KCNQ1: variants seen among roughly 807,000 people sequenced by gnomAD.
The protein encoded by KCNQ1 is potassium voltage-gated channel subfamily KQT member 1.
Under a neutral mutation model 72.4 loss-of-function variants are expected in KCNQ1, and 49 were observed. That is an observed-to-expected ratio of 0.68 (90% CI 0.54 to 0.86). KCNQ1 has a LOEUF of 0.86. Ranked by LOEUF, KCNQ1 falls within the 40% of genes least tolerant of loss-of-function variation. KCNQ1 has a pLI of 0.00. For missense variants in KCNQ1, 790 were observed against 945.1 expected, an observed-to-expected ratio of 0.84 and a Z score of 2.15; for synonymous variants, 450 against 412.6, an observed-to-expected ratio of 1.09 and a Z score of -1.10.
At chr11:2,665,694 A>G in intron 11 of KCNQ1, 1 of 397,858 alleles carries the variant, frequency 2.5e-6, no homozygotes, top group Non-Finnish European at 4.4e-6. Context: ...CAGGAGGGAG[A>G]AGGGCATGTA....
At chr11:2,640,182 C>A (rs1015422531) in intron 10 of KCNQ1, 1 of 387,306 alleles carries the variant, frequency 2.6e-6, no homozygotes, top group Non-Finnish European at 4.6e-6. Flanking sequence ...CGCCCTACTT[C>A]GTCTCACACT....
At position 2,652,346 on chromosome 11, in the gene KCNQ1, C is replaced by T. The variant is rs908764250; in HGVS notation, c.1394-9615C>T. Reference sequence around the variant, plus strand: ...GAAGTTAAGAACTGGCACATTTCCGCGATGTTGTGATGAAGGTGAAAAGAT... The same window carrying T: ...GAAGTTAAGAACTGGCACATTTCCGTGATGTTGTGATGAAGGTGAAAAGAT... On this transcript the variant is annotated intron_variant, in intron 10 of 15. Transcript: ENST00000155840. The surrounding 1 kb of genome is among the most constrained non-coding windows in gnomAD (Gnocchi z 5.9). 2.8e-5 allele frequency: 11 copies of T among 398,482 alleles called. No homozygotes were observed. The highest frequency in any genetic ancestry group is 1.3e-4 in the South Asian group (1 of 7,852). The allele number at this position is 398,482 out of a possible 1,614,324, so 24.7% of individuals were successfully genotyped here.
intron 15 of KCNQ1, among the ~76,000 whole-genome samples, chr11:2,791,936 G>A (rs780563843): frequency 6.6e-6 from 1 of 152,338 alleles, no homozygotes; most frequent in African/African-American, 2.4e-5. Flanking sequence ...TTACTTTGCC[G>A]CGCGAACAGC....
In KCNQ1 at chr11:2,670,338, C is replaced by T. The variant is rs1462270677; in HGVS notation, c.1514+8257C>T. ...CTCAAATATGGTAGCAGAGTTCAGA[C>T]TCAGTGGCTTTCAGATGGTTAGTAT... is the stretch of plus-strand genomic sequence containing the variant. On this transcript the variant is annotated intron_variant, in intron 11 of 15. Transcript: ENST00000155840. The surrounding 1 kb of genome is among the most constrained non-coding windows in gnomAD (Gnocchi z 4.9). 2.5e-6 allele frequency: 1 copy of T among 398,464 alleles called. No homozygotes were observed. The highest frequency in any genetic ancestry group is 4.4e-6 in the Non-Finnish European group (1 of 226,076). The allele number at this position is 398,464 out of a possible 1,614,324, so 24.7% of individuals were successfully genotyped here.
At chr11:2,453,729 A>G (rs1846146519) in intron 1 of KCNQ1, among the ~76,000 whole-genome samples, 1 of 152,176 alleles carries the variant, frequency 6.6e-6, no homozygotes, top group Non-Finnish European at 1.5e-5. Flanking sequence ...CTGACCTGTG[A>G]CCCAGCAACC....
In KCNQ1 at chr11:2,661,219, C is replaced by G; in HGVS notation, c.1394-742C>G. On this transcript the variant is annotated intron_variant, in intron 10 of 15. Transcript: ENST00000155840. This position sits in a 1 kb window ranked among gnomAD's most constrained non-coding sequence, Gnocchi z 5.9. ...TGAATCTTTGAATTATTCCACTTCT[C>G]ACAGATGAGTACTTAATCCTTTTGC... 2.5e-6 allele frequency: 1 copy of G among 398,696 alleles called. No homozygotes were observed. Among genetic ancestry groups the G allele is most frequent in the Non-Finnish European group, 4.4e-6 (1 of 226,184 alleles). 24.7% of individuals were successfully genotyped at this position (398,696 alleles called of 1,614,324 possible).
rs574917776 is a variant in KCNQ1 at position 2,841,806 on chromosome 11, C to T, written c.1795-5961C>T. Among the ~76,000 whole-genome samples, 14 of 152,316 alleles carry T rather than the reference C, an allele frequency of 9.2e-5. No individual in the cohort carries two copies. In the South Asian group the frequency reaches 1.4e-3, roughly 16 times the overall value. ...TGAGGCCCTTGGGGGGCCAAGCATCCGTCAGTGGGCAGAGGCTGGTAAAAG... is the reference window on the plus strand; with the variant it reads ...TGAGGCCCTTGGGGGGCCAAGCATCTGTCAGTGGGCAGAGGCTGGTAAAAG... On this transcript the variant is annotated intron_variant, in intron 15 of 15. Transcript: ENST00000155840.
chr11:2,726,366 C>T (rs1036552196), intron 11 of KCNQ1, among the ~76,000 whole-genome samples: 1 of 152,224 alleles, frequency 6.6e-6, no homozygotes, highest in Non-Finnish European at 1.5e-5. Context: ...AGATCACAGA[C>T]GGTGTGTCGA....
chr11:2,489,010 A>G (rs1222267982), intron 1 of KCNQ1, among the ~76,000 whole-genome samples: 1 of 152,226 alleles, frequency 6.6e-6, no homozygotes, highest in Admixed American at 6.5e-5. Flanking sequence ...GCCAAATAGA[A>G]GCCTCCAATT....
intron 15 of KCNQ1, among the ~76,000 whole-genome samples, chr11:2,835,141 G>A (rs1484913151): frequency 6.6e-6 from 1 of 152,176 alleles, no homozygotes; most frequent in Non-Finnish European, 1.5e-5. Flanking sequence ...ACCGGCCCTG[G>A]CTGAGTCATG....
At position 2,611,103 on chromosome 11, in the gene KCNQ1, T is replaced by C. The variant is rs1848973802; in HGVS notation, c.1393+22249T>C. On this transcript the variant is annotated intron_variant, in intron 10 of 15. Transcript: ENST00000155840. The surrounding 1 kb of genome is among the most constrained non-coding windows in gnomAD (Gnocchi z 5.3). ...TTATAAATTTTTATTTCTTTATGAC[T>C]TCTGTTTATGATTTCTATTTCTTCC... The C allele has an allele frequency of 2.0e-5, 8 of 398,564 alleles. No individual in the cohort carries two copies. The highest frequency in any genetic ancestry group is 2.2e-5 in the Non-Finnish European group (5 of 226,028). The allele number at this position is 398,564 out of a possible 1,614,324, so 24.7% of individuals were successfully genotyped here. A position where few individuals can be genotyped will look rare whatever the true frequency, so the allele number is the denominator to read the frequency against.
At chr11:2,843,761 C>T (rs1436073864) in intron 15 of KCNQ1, among the ~76,000 whole-genome samples, 1 of 152,266 alleles carries the variant, frequency 6.6e-6, no homozygotes, top group African/African-American at 2.4e-5. Flanking sequence ...GGTTTGATCG[C>T]CGGCCGCCCG....
chr11:2,616,586 C>G, intron 10 of KCNQ1: 1 of 397,982 alleles, frequency 2.5e-6, no homozygotes, highest in Non-Finnish European at 4.4e-6. Flanking sequence ...TATGTTGTGT[C>G]GTCATTTTCA....
chr11:2,680,877 A>AGGTTAT, intron 11 of KCNQ1: 1 of 398,512 alleles, frequency 2.5e-6, no homozygotes, highest in East Asian at 3.6e-5. Flanking sequence ...AGATTCACCC[A>AGGTTAT]GGTTATTGTG....
intron 10 of KCNQ1, chr11:2,618,284 T>G: frequency 2.5e-6 from 1 of 398,518 alleles, no homozygotes; most frequent in Non-Finnish European, 4.4e-6. Flanking sequence ...TAAAATACAC[T>G]AACAATAACA....
Position 2,777,041 on chromosome 11 carries a change from CTG to C in KCNQ1, c.1732+13_1732+14del. The C allele has an allele frequency of 6.2e-7, 1 of 1,614,004 alleles. No individual in the cohort carries two copies. The highest frequency in any genetic ancestry group is 8.5e-7 in the Non-Finnish European group (1 of 1,179,880). On this transcript the variant is annotated intron_variant, in intron 14 of 15. Transcript: ENST00000155840. ...GTTCATCTCCGTCTCAGGTGGGTTT[CTG>C]TGTCAGTTACTCTGGGCCCAGCAGC... is the stretch of plus-strand genomic sequence containing the variant.
At chr11:2,622,633 CTTTT>C in intron 10 of KCNQ1, 1 of 398,456 alleles carries the variant, frequency 2.5e-6, no homozygotes, top group Non-Finnish European at 4.4e-6. Context: ...CCCTTACTGC[CTTTT>C]TTTGTGTTTG....
At chr11:2,615,548 C>A (rs989291410) in intron 10 of KCNQ1, 1 of 397,764 alleles carries the variant, frequency 2.5e-6, no homozygotes, top group Non-Finnish European at 4.4e-6. Flanking sequence ...TTTCACAAAT[C>A]CTCTTTAACA....
Position 2,508,194 on chromosome 11 carries a change from G to A in KCNQ1, c.387-19734G>A, listed in dbSNP as rs753452880. On this transcript the variant is annotated intron_variant, in intron 1 of 15. Transcript: ENST00000155840. The surrounding 1 kb of genome is among the most constrained non-coding windows in gnomAD (Gnocchi z 6.2). ...TGAAGGTGAGGTTTGCAAACACTAG[G>A]CATGCATGTTTGAGGTACCACAACC... 1.5e-4 allele frequency among the ~76,000 whole-genome samples: 23 copies of A among 152,204 alleles called. No homozygotes were observed. The highest frequency in any genetic ancestry group is 3.2e-4 in the Non-Finnish European group (22 of 68,028).
Sources: gnomAD v4.1 joint callset for allele counts (sites outside exome capture counted in the v4.1 genomes callset) on GRCh38, gnomAD v4.1.1 for gene constraint, Gnocchi (gnomAD v3.1) non-coding constraint, MANE v1.5 for transcripts, NCBI Gene and HGNC (gene_info 2026-07-23, HGNC 2026-07-21) for gene names.